Variants in LPP observed in about 807,000 individuals in gnomAD.
LPP encodes the protein LIM domain containing preferred translocation partner in lipoma.
Under a neutral mutation model 60.4 loss-of-function variants are expected in LPP, and 38 were observed. The observed-to-expected ratio is 0.63, with a 90% CI of 0.49 to 0.83. The LOEUF (loss-of-function observed/expected upper bound fraction) is 0.83, where lower values mean the gene tolerates loss of function less well. Among genes scored for constraint, LPP ranks in the 40% least tolerant of loss-of-function variants. The probability of loss-of-function intolerance (pLI) is 0.00; values close to 1 mark genes in which losing one functional copy is unlikely to be tolerated. For synonymous variants in LPP, 328 were observed against 290.8 expected (o/e 1.13, Z -1.30); for missense variants, 902 against 783.6 (o/e 1.15, Z -1.80).
chr3:188,867,966 A>T (rs555986070), intron 10 of LPP, among the ~76,000 whole-genome samples: 2 of 152,292 alleles, frequency 1.3e-5, no homozygotes, highest in Admixed American at 1.3e-4. Flanking sequence ...GAAAGTGAAA[A>T]CCTCACCAAA....
At chr3:188,664,088 C>CA (rs1177576875) in intron 7 of LPP, among the ~76,000 whole-genome samples, 4 of 152,206 alleles carry the variant, frequency 2.6e-5, no homozygotes, top group Non-Finnish European at 4.4e-5. Context: ...CACATATTGT[C>CA]ACTTGTCATA....
chr3:188,322,438 A>G (rs1757216552), intron 2 of LPP, among the ~76,000 whole-genome samples: 1 of 152,136 alleles, frequency 6.6e-6, no homozygotes, highest in South Asian at 2.1e-4. Flanking sequence ...AGTCTCCATG[A>G]TTCCTAGTTA....
chr3:188,586,518 T>C (rs1837482879), intron 6 of LPP, among the ~76,000 whole-genome samples: 1 of 152,192 alleles, frequency 6.6e-6, no homozygotes, highest in East Asian at 1.9e-4. Flanking sequence ...GTTAAACTAA[T>C]AAAAGTCGTT....
intron 5 of LPP, among the ~76,000 whole-genome samples, chr3:188,520,810 G>A (rs1488755474): frequency 6.6e-6 from 1 of 152,176 alleles, no homozygotes; most frequent in Non-Finnish European, 1.5e-5. Context: ...GTGGTAACTA[G>A]AAAAAGCATT....
intron 8 of LPP, among the ~76,000 whole-genome samples, chr3:188,735,723 T>G (rs141917490): frequency 2.6e-5 from 4 of 152,260 alleles, no homozygotes; most frequent in African/African-American, 7.2e-5. Context: ...AAGGGCAATG[T>G]CCCCAAAATA....
rs1165879297 is a variant in LPP at position 188,157,851 on chromosome 3, A to T, written c.-190+3599A>T. 2.0e-5 allele frequency among the ~76,000 whole-genome samples: 3 copies of T among 151,956 alleles called. No individual in the cohort carries two copies. The East Asian group carries it at 5.8e-4, about 29-fold the overall frequency. On this transcript the variant is annotated intron_variant, in intron 1 of 11. Transcript: ENST00000617246. ...GAATGAGTAGGAGTTGTCCAGGTGG[A>T]AGAAGGACAGGTGAGAGAAGGACCT...
intron 2 of LPP, among the ~76,000 whole-genome samples, chr3:188,243,957 C>T (rs1338037163): frequency 6.6e-6 from 1 of 152,126 alleles, no homozygotes; most frequent in Non-Finnish European, 1.5e-5. Flanking sequence ...CTCACCACAA[C>T]CTCCACTTCC....
At chr3:188,490,128 G>C (rs1046894479) in intron 5 of LPP, among the ~76,000 whole-genome samples, 21 of 152,222 alleles carry the variant, frequency 1.4e-4, no homozygotes, top group Admixed American at 1.2e-3. Flanking sequence ...CTTTTAAAAA[G>C]TGATGCAAAG....
Position 188,678,710 on chromosome 3 carries a change from G to A in LPP, c.1114-29557G>A, listed in dbSNP as rs538545489. Among the ~76,000 whole-genome samples the A allele has an allele frequency of 2.0e-4, 31 of 152,228 alleles. 1 individual carries two copies. Among genetic ancestry groups the A allele is most frequent in the South Asian group, 1.7e-3 (8 of 4,826 alleles). ...TTTGGGCACCCTCAATGGCCCATTC[G>A]CTGTGTTGGATGTGATGAGGGATAT... is the stretch of plus-strand genomic sequence containing the variant. On this transcript the variant is annotated intron_variant, in intron 7 of 11. Transcript: ENST00000617246.
At chr3:188,613,507 A>G (rs1159340338) in intron 7 of LPP, among the ~76,000 whole-genome samples, 1 of 152,080 alleles carries the variant, frequency 6.6e-6, no homozygotes, top group Non-Finnish European at 1.5e-5. Flanking sequence ...GGTATTTGCT[A>G]CATAATGTGT....
At chr3:188,436,284 T>C (rs1792272773) in intron 4 of LPP, among the ~76,000 whole-genome samples, 1 of 152,214 alleles carries the variant, frequency 6.6e-6, no homozygotes, top group African/African-American at 2.4e-5. Context: ...CTTAAGGTTA[T>C]GGCTGATATA....
chr3:188,827,816 G>A (rs1464503756), intron 9 of LPP, among the ~76,000 whole-genome samples: 2 of 152,068 alleles, frequency 1.3e-5, no homozygotes, highest in African/African-American at 2.4e-5. Flanking sequence ...ATCTCTCATC[G>A]TCCTCTTCAC....
intron 2 of LPP, among the ~76,000 whole-genome samples, chr3:188,278,489 G>C (rs1460960515): frequency 1.3e-5 from 2 of 152,166 alleles, no homozygotes; most frequent in African/African-American, 4.8e-5. Flanking sequence ...CTCTGATTCT[G>C]AATCGACTCT....
intron 1 of LPP, among the ~76,000 whole-genome samples, chr3:188,222,999 G>C (rs1716373396): frequency 6.6e-6 from 1 of 152,202 alleles, no homozygotes; most frequent in South Asian, 2.1e-4. Context: ...ACATGTGGAA[G>C]AGGTGGCAGG....
At chr3:188,605,883 A>G (rs927535164) in intron 6 of LPP, among the ~76,000 whole-genome samples, 6 of 152,212 alleles carry the variant, frequency 3.9e-5, no homozygotes, top group African/African-American at 1.4e-4. Context: ...ATGGTTCTCA[A>G]CTAGAGAGGA....
upstream of LPP, chr3:188,153,312 C>G (rs561360868): frequency 6.6e-6 from 1 of 152,420 alleles, no homozygotes; most frequent in South Asian, 2.1e-4. Context: ...TCAGTTTCCT[C>G]ACGTGCCAAG....
At chr3:188,490,965 G>A (rs1396124715) in intron 5 of LPP, among the ~76,000 whole-genome samples, 1 of 151,806 alleles carries the variant, frequency 6.6e-6, no homozygotes. Flanking sequence ...GTTTCACCGT[G>A]TTAGCCAGGA....
intron 8 of LPP, chr3:188,712,971 TTTATTTATATTGAATTATAA>T (rs1354201940): frequency 6.6e-6 from 1 of 152,190 alleles, no homozygotes; most frequent in Non-Finnish European, 1.5e-5. Flanking sequence ...TCTTAACAGT[TTTATTTATATTGAATTATAA>T]TTATCGTATG....
At chr3:188,474,609 G>A (rs1802713970) in intron 4 of LPP, among the ~76,000 whole-genome samples, 1 of 152,152 alleles carries the variant, frequency 6.6e-6, no homozygotes, top group South Asian at 2.1e-4. Context: ...GATGTTTTTG[G>A]ACTATTCTGT....
Sources: allele counts gnomAD v4.1 joint callset (sites outside exome capture counted in the v4.1 genomes callset), GRCh38; gene constraint gnomAD v4.1.1; transcripts MANE v1.5; gene names NCBI Gene and HGNC (gene_info 2026-07-23, HGNC 2026-07-21).